The following IGSF10 variants were observed in gnomAD, a reference collection of about 807,000 sequenced individuals.
IGSF10 encodes calvaria mechanical force protein 608.
In IGSF10, 126 loss-of-function variants were observed where a neutral mutation model predicts 128.2. That is an observed-to-expected ratio of 0.98 (90% confidence interval 0.85 to 1.14). IGSF10 has a LOEUF of 1.14. IGSF10 is among the 50% of genes most tolerant of loss of function. The pLI is 0.00. For synonymous variants in IGSF10, 1,185 were observed against 1,146.2 expected (o/e 1.03, Z -0.68); for missense variants, 3,295 against 3,149.8 (o/e 1.05, Z -1.10).
the IGSF10 span, among the ~76,000 whole-genome samples, chr3:151,471,967 G>A: frequency 6.6e-6 from 1 of 152,170 alleles, no homozygotes; most frequent in Admixed American, 6.5e-5. Context: ...TAAATTTAAT[G>A]TAAAGTGCAG....
chr3:151,446,542 G>A lies in IGSF10; in HGVS notation c.3439C>T (p.Pro1147Ser), dbSNP rs767986065. 8.7e-6 allele frequency: 14 copies of A among 1,614,106 alleles called. No homozygotes were observed. Among genetic ancestry groups the A allele is most frequent in the African/African-American group, 1.3e-5 (1 of 75,014 alleles). ...GTTTTTTCCATGGGTATGGATGTTG[G>A]AGCATATGTCATGACTGCACCAGTT... ...TPTGAVMTYA[P>S]TSIPMEKTHK... Residue 1147 changes from proline to serine, a missense_variant, in exon 6 of 8, where the codon CCA becomes TCA. Coordinates refer to ENST00000282466, the MANE Select transcript of IGSF10 (RefSeq NM_178822.5).
chr3:151,581,030 G>A, the IGSF10 span, among the ~76,000 whole-genome samples: 1 of 151,766 alleles, frequency 6.6e-6, no homozygotes, highest in African/African-American at 2.4e-5. Context: ...AGCAGAAAAA[G>A]CTATTTTGTT....
intron 7 of IGSF10, among the ~76,000 whole-genome samples, chr3:151,438,799 GATATATATATATATACATTTTGAGAT>G (rs1268623595): frequency 2.8e-5 from 4 of 144,934 alleles, no homozygotes; most frequent in South Asian, 2.2e-4. Flanking sequence ...ACATATTTGA[GATATATATATATATACATTTTGAGAT>G]ATATATATAT....
chr3:151,488,154 C>G, the IGSF10 span, among the ~76,000 whole-genome samples: 1 of 152,066 alleles, frequency 6.6e-6, no homozygotes, highest in Non-Finnish European at 1.5e-5. Flanking sequence ...AATCAATGTG[C>G]AAAAATCACA....
In IGSF10 at chr3:151,437,061, G is replaced by C; in HGVS notation, c.7500C>G (p.Asp2500Glu). 2 of 1,614,186 alleles carry C rather than the reference G, an allele frequency of 1.2e-6. No homozygotes were observed. The highest frequency in any genetic ancestry group is 1.7e-6 in the Non-Finnish European group (2 of 1,180,000). ...TLVIKEATAY[D>E]RGNYICKAQN... ...GAGCCTTACAGATATAGTTTCCTCT[G>C]TCATAAGCTGTTGCTTCTTTAATGA... is the stretch of plus-strand genomic sequence containing the variant. The change falls in exon 8 of 8, where the codon GAC becomes GAG. Residue 2500 changes from aspartate to glutamate, a missense_variant. Physicochemically the swap from Asp to Glu is conservative, Grantham distance 45. Coordinates refer to ENST00000282466, the MANE Select transcript of IGSF10 (RefSeq NM_178822.5).
At chr3:151,567,408 G>A in the IGSF10 span, among the ~76,000 whole-genome samples, 23 of 152,298 alleles carry the variant, frequency 1.5e-4, no homozygotes, top group African/African-American at 4.3e-4. Context: ...TCTGGGACTC[G>A]TGCTAGGGTG....
chr3:151,575,395 C>T, the IGSF10 span, among the ~76,000 whole-genome samples: 101 of 152,192 alleles, frequency 6.6e-4, no homozygotes, highest in East Asian at 0.011. Context: ...TCGAGCTTCC[C>T]GGTCGCTTTT....
At chr3:151,576,441 C>T in the IGSF10 span, among the ~76,000 whole-genome samples, 1 of 152,096 alleles carries the variant, frequency 6.6e-6, no homozygotes, top group Non-Finnish European at 1.5e-5. Flanking sequence ...TAAACACAGA[C>T]CAGAGTTTTA....
chr3:151,557,505 C>T, the IGSF10 span, among the ~76,000 whole-genome samples: 1 of 152,094 alleles, frequency 6.6e-6, no homozygotes, highest in Non-Finnish European at 1.5e-5. Flanking sequence ...AAGCCCTTCC[C>T]TTCCCTGCAT....
the IGSF10 span, among the ~76,000 whole-genome samples, chr3:151,591,331 T>C: frequency 6.7e-6 from 1 of 149,890 alleles, no homozygotes; most frequent in Non-Finnish European, 1.5e-5. Context: ...ACAAATATTC[T>C]TTGTAAAAAG....
At chr3:151,462,133 C>T (rs977803610), upstream of IGSF10, among the ~76,000 whole-genome samples, 1 of 152,092 alleles carries the variant, frequency 6.6e-6, no homozygotes, top group African/African-American at 2.4e-5. Context: ...CTTGGTGGGG[C>T]TCCCAATACT....
At chr3:151,608,596 A>G in the IGSF10 span, among the ~76,000 whole-genome samples, 4 of 152,060 alleles carry the variant, frequency 2.6e-5, no homozygotes, top group African/African-American at 7.2e-5. Flanking sequence ...CCTTTACTTA[A>G]TAGATTCTCC....
chr3:151,560,750 G>T, the IGSF10 span, among the ~76,000 whole-genome samples: 1 of 151,870 alleles, frequency 6.6e-6, no homozygotes, highest in Non-Finnish European at 1.5e-5. Context: ...TTAAACTAGG[G>T]TGTATATTTC....
At chr3:151,539,271 C>G in the IGSF10 span, among the ~76,000 whole-genome samples, 2 of 152,130 alleles carry the variant, frequency 1.3e-5, no homozygotes, top group Admixed American at 6.6e-5. Context: ...CTCTGTAACC[C>G]GAGAGAAGAC....
At chr3:151,507,491 G>A in the IGSF10 span, among the ~76,000 whole-genome samples, 1 of 152,184 alleles carries the variant, frequency 6.6e-6, no homozygotes, top group African/African-American at 2.4e-5. Context: ...ATAAAGGACT[G>A]TCTGAGACTT....
rs115845945 is a variant in IGSF10, at chr3:151,448,935, T to C, written c.1046A>G (p.Asn349Ser). Residue 349 changes from asparagine to serine, a missense_variant, in exon 6 of 8, where the codon AAT (asparagine) becomes AGT (serine). Physicochemically the swap from Asn to Ser is conservative, Grantham distance 46. Coordinates refer to ENST00000282466, the MANE Select transcript of IGSF10 (RefSeq NM_178822.5). The part of the protein sequence containing the change: ...RTSPIAFTEE[N>S]DYIVLNTSFS... ...TGAAGTATTTAGCACGATGTAGTCATTTTCTTCAGTGAATGCAATGGGTGA... is the reference window on the plus strand; with the variant it reads ...TGAAGTATTTAGCACGATGTAGTCACTTTCTTCAGTGAATGCAATGGGTGA... 1.5e-3 allele frequency: 2,406 copies of C among 1,614,232 alleles called. 3 individuals carry two copies. The highest frequency in any genetic ancestry group is 2.0e-3 in the Non-Finnish European group (2,316 of 1,180,032).
downstream of IGSF10, chr3:151,435,679 A>G (rs1720079316): frequency 6.6e-6 from 1 of 151,918 alleles, no homozygotes. Flanking sequence ...ACACTGGAAA[A>G]CCCCACCCCT....
At chr3:151,602,253 T>C in the IGSF10 span, among the ~76,000 whole-genome samples, 1 of 152,200 alleles carries the variant, frequency 6.6e-6, no homozygotes, top group African/African-American at 2.4e-5. Context: ...ATTTATTGAA[T>C]TGGATAATCC....
At chr3:151,470,498 T>C in the IGSF10 span, among the ~76,000 whole-genome samples, 3 of 152,186 alleles carry the variant, frequency 2.0e-5, no homozygotes, top group African/African-American at 7.2e-5. Context: ...TCACTAATAA[T>C]GCTATACCAG....
Sources: gnomAD v4.1 joint callset for allele counts (sites outside exome capture counted in the v4.1 genomes callset) on GRCh38, gnomAD v4.1.1 for gene constraint, MANE v1.5 for transcripts, NCBI Gene and HGNC (gene_info 2026-07-23, HGNC 2026-07-21) for gene names.